Variants in RTL4 observed in about 807,000 individuals in gnomAD.
RTL4 encodes retrotransposon Gag like 4.
In RTL4, 4 loss-of-function variants were observed where a neutral mutation model predicts 5.3. That is an observed-to-expected ratio of 0.75 (90% CI 0.37 to 1.72). The LOEUF (loss-of-function observed/expected upper bound fraction) is 1.72, where lower values mean the gene tolerates loss of function less well. Among genes scored for constraint, RTL4 ranks in the 40% most tolerant of loss-of-function variants. The pLI is 0.04. For missense variants in RTL4, 260 were observed against 227.1 expected (o/e 1.14, Z -0.93); for synonymous variants, 98 against 87.3 (o/e 1.12, Z -0.68).
the RTL4 span, among the ~76,000 whole-genome samples, chrX:112,395,831 T>C: frequency 9.0e-6 from 1 of 111,524 alleles, no homozygotes; most frequent in Non-Finnish European, 1.9e-5. Flanking sequence ...TTCACTAGCA[T>C]GTCCTGGGAC....
chrX:112,406,118 G>A, the RTL4 span, among the ~76,000 whole-genome samples: 1 of 111,479 alleles, frequency 9.0e-6, no homozygotes, highest in Admixed American at 9.5e-5. Flanking sequence ...AAGTGCTCTA[G>A]GGACCTAAAT....
the RTL4 span, among the ~76,000 whole-genome samples, chrX:112,231,030 T>C: frequency 1.8e-5 from 2 of 110,268 alleles, no homozygotes; most frequent in East Asian, 2.9e-4. Context: ...TGAGATACCA[T>C]CTCACACCAG....
chrX:112,239,435 C>T, the RTL4 span, among the ~76,000 whole-genome samples: 1 of 111,618 alleles, frequency 9.0e-6, no homozygotes, highest in South Asian at 3.8e-4. Context: ...AACCATGAGA[C>T]TGAATGATGA....
chrX:112,396,453 G>A, the RTL4 span, among the ~76,000 whole-genome samples: 12 of 111,365 alleles, frequency 1.1e-4, no homozygotes, highest in African/African-American at 1.6e-4. Context: ...CTTTTTGTGT[G>A]TAGATAGTTG....
the RTL4 span, among the ~76,000 whole-genome samples, chrX:112,165,706 G>C: frequency 9.0e-6 from 1 of 111,425 alleles, no homozygotes; most frequent in East Asian, 2.8e-4. Flanking sequence ...GGACCAGCAG[G>C]TAACAGCCAA....
At chrX:112,390,380 A>G in the RTL4 span, among the ~76,000 whole-genome samples, 1 of 103,644 alleles carries the variant, frequency 9.6e-6, no homozygotes, top group African/African-American at 3.5e-5. Context: ...TGAACCCAGG[A>G]GACAGATTTT....
chrX:112,099,111 G>T, the RTL4 span, among the ~76,000 whole-genome samples: 1 of 111,483 alleles, frequency 9.0e-6, no homozygotes, highest in Admixed American at 9.6e-5. Context: ...TACACAATGG[G>T]AGAAAATTTT....
the RTL4 span, among the ~76,000 whole-genome samples, chrX:112,179,129 G>T: frequency 1.8e-5 from 2 of 111,329 alleles, no homozygotes; most frequent in African/African-American, 6.5e-5. Context: ...CCTGGTTGTT[G>T]TTGCCCCCTA....
At chrX:112,142,954 G>A in the RTL4 span, among the ~76,000 whole-genome samples, 2 of 110,519 alleles carry the variant, frequency 1.8e-5, no homozygotes, top group East Asian at 2.9e-4. Flanking sequence ...TAAGCCTCCC[G>A]AGTAGCTGGG....
the RTL4 span, among the ~76,000 whole-genome samples, chrX:112,224,991 T>C: frequency 8.9e-6 from 1 of 112,206 alleles, no homozygotes; most frequent in African/African-American, 3.2e-5. Flanking sequence ...TCACAAATAC[T>C]AATTTATTTA....
At chrX:112,316,319 G>A in the RTL4 span, among the ~76,000 whole-genome samples, 1 of 111,630 alleles carries the variant, frequency 9.0e-6, no homozygotes, top group East Asian at 2.8e-4. Flanking sequence ...CCTGGCTTAG[G>A]CATGTATTAT....
At chrX:112,084,121 G>A in the RTL4 span, among the ~76,000 whole-genome samples, 1 of 110,917 alleles carries the variant, frequency 9.0e-6, no homozygotes, top group Non-Finnish European at 1.9e-5. Flanking sequence ...GTAAGCTCCC[G>A]AAAATGCCAG....
chrX:112,168,889 A>C, the RTL4 span, among the ~76,000 whole-genome samples: 1 of 109,343 alleles, frequency 9.1e-6, no homozygotes, highest in South Asian at 4.0e-4. Context: ...ACTTGCTTTC[A>C]TTTTACCCTT....
the RTL4 span, among the ~76,000 whole-genome samples, chrX:112,310,369 C>CATATATATATAT: frequency 2.3e-4 from 1 of 4,357 alleles, no homozygotes; most frequent in African/African-American, 6.0e-4. Flanking sequence ...CACCTTTATA[C>CATATATATATAT]ATATATATAT....
At chrX:112,154,516 T>C in the RTL4 span, among the ~76,000 whole-genome samples, 1 of 112,439 alleles carries the variant, frequency 8.9e-6, no homozygotes, top group Non-Finnish European at 1.9e-5. Context: ...TCCTGCTGTT[T>C]ATTTGATGAC....
At chrX:112,167,626 C>T in the RTL4 span, among the ~76,000 whole-genome samples, 1 of 109,559 alleles carries the variant, frequency 9.1e-6, no homozygotes, top group African/African-American at 3.3e-5. Context: ...CTGTAAGGCA[C>T]TGATACTATC....
At chrX:112,197,243 C>T in the RTL4 span, among the ~76,000 whole-genome samples, 1 of 109,416 alleles carries the variant, frequency 9.1e-6, no homozygotes, top group Non-Finnish European at 1.9e-5. Context: ...GTACTCTGCA[C>T]TTGTTAGGTG....
the RTL4 span, among the ~76,000 whole-genome samples, chrX:112,204,296 T>A: frequency 8.9e-6 from 1 of 112,135 alleles, no homozygotes; most frequent in African/African-American, 3.2e-5. Flanking sequence ...TACAATATGA[T>A]CTAGCAATCT....
the RTL4 span, among the ~76,000 whole-genome samples, chrX:112,438,628 C>G: frequency 8.9e-6 from 1 of 112,635 alleles, no homozygotes; most frequent in Non-Finnish European, 1.9e-5. Flanking sequence ...GGAACAAACT[C>G]TTCTTCCAGT....
Sources: gnomAD v4.1 joint callset for allele counts (sites outside exome capture counted in the v4.1 genomes callset) on GRCh38, gnomAD v4.1.1 for gene constraint, MANE v1.5 for transcripts, NCBI Gene and HGNC (gene_info 2026-07-23, HGNC 2026-07-21) for gene names.